Variants in ERBB4 observed in about 807,000 individuals in gnomAD.
ERBB4 encodes the protein erb-b2 receptor tyrosine kinase 4.
In ERBB4, 42 loss-of-function variants were observed where a neutral mutation model predicts 158.0. The ratio of observed to expected loss-of-function variants is 0.27; its 90% CI spans 0.21 to 0.34. The LOEUF (loss-of-function observed/expected upper bound fraction) is 0.34. ERBB4 is among the 10% of genes least tolerant of loss of function. The pLI, the probability that ERBB4 is intolerant of heterozygous loss-of-function variation, is 1.00. For synonymous variants in ERBB4, 583 were observed against 558.7 expected, an observed-to-expected ratio of 1.04 and a Z score of -0.61; for missense variants, 1,333 against 1,624.1, an observed-to-expected ratio of 0.82 and a Z score of 3.08.
At chr2:211,513,699 G>T (rs2065947486) in intron 20 of ERBB4, among the ~76,000 whole-genome samples, 1 of 152,046 alleles carries the variant, frequency 6.6e-6, no homozygotes, top group African/African-American at 2.4e-5. Flanking sequence ...TAGAGTAATA[G>T]GTCTTTGGCA....
At chr2:212,125,128 C>T (rs1180521574) in intron 1 of ERBB4, 2 of 539,750 alleles carry the variant, frequency 3.7e-6, no homozygotes, top group Non-Finnish European at 6.7e-6. Flanking sequence ...GGCATAGATT[C>T]CACAGAAATA....
chr2:211,962,037 G>C (rs1309299806), intron 2 of ERBB4, among the ~76,000 whole-genome samples: 1 of 152,058 alleles, frequency 6.6e-6, no homozygotes, highest in African/African-American at 2.4e-5. Context: ...CACATAGTGG[G>C]GTTTCTGGGG....
chr2:212,460,738 C>A (rs2101152), intron 1 of ERBB4, among the ~76,000 whole-genome samples: 1 of 151,916 alleles, frequency 6.6e-6, no homozygotes, highest in Admixed American at 6.6e-5. Context: ...TGGACAATGC[C>A]ATAGAAAAGA....
chr2:211,901,576 C>T (rs2079236840), intron 3 of ERBB4, among the ~76,000 whole-genome samples: 1 of 152,106 alleles, frequency 6.6e-6, no homozygotes. Context: ...TTCACTGTGG[C>T]CACCTCACCA....
intron 19 of ERBB4, among the ~76,000 whole-genome samples, chr2:211,593,215 G>T (rs188834005): frequency 4.1e-4 from 63 of 152,274 alleles, no homozygotes; most frequent in African/African-American, 1.5e-3. Flanking sequence ...AGAAAGTAAA[G>T]TAGGCTATAG....
At chr2:211,490,089 C>T (rs891519660) in intron 20 of ERBB4, among the ~76,000 whole-genome samples, 9 of 152,062 alleles carry the variant, frequency 5.9e-5, no homozygotes, top group Non-Finnish European at 1.2e-4. Flanking sequence ...AGAAGCTTCA[C>T]ATAGCATTTG....
At chr2:211,608,999 TACTA>T (rs533545585) in intron 19 of ERBB4, among the ~76,000 whole-genome samples, 33 of 152,200 alleles carry the variant, frequency 2.2e-4, no homozygotes, top group Non-Finnish European at 3.7e-4. Flanking sequence ...AGAACCATTT[TACTA>T]ACTATGACCA....
intron 2 of ERBB4, among the ~76,000 whole-genome samples, chr2:211,987,360 C>T (rs1208930291): frequency 1.6e-5 from 2 of 122,518 alleles, no homozygotes; most frequent in Non-Finnish European, 3.7e-5. Context: ...AAATCTATCA[C>T]CCATGATTAT....
chr2:212,513,860 G>A lies in ERBB4; in HGVS notation c.82+24589C>T, dbSNP rs183490178. Among the ~76,000 whole-genome samples the A allele has an allele frequency of 7.2e-3, 1,096 of 151,760 alleles. 7 individuals are homozygous for A. The highest frequency in any genetic ancestry group is 0.024 in the Middle Eastern group (7 of 294). On this transcript the variant is annotated intron_variant, in intron 1 of 27. Transcript: ENST00000342788. ...AAAAAGAACAATTTAAGTTTTCAAA[G>A]ACCATACAACTAGCAAGTCCCAAAT...
At chr2:211,503,205 C>A (rs2065659084) in intron 20 of ERBB4, among the ~76,000 whole-genome samples, 1 of 152,172 alleles carries the variant, frequency 6.6e-6, no homozygotes, top group East Asian at 1.9e-4. Flanking sequence ...CAAAGTGGAC[C>A]CCAAAAGGCT....
At chr2:211,744,277 C>T (rs1229716592) in intron 5 of ERBB4, among the ~76,000 whole-genome samples, 1 of 152,072 alleles carries the variant, frequency 6.6e-6, no homozygotes, top group Non-Finnish European at 1.5e-5. Context: ...AAATAACTTG[C>T]AAAATGTTAC....
intron 1 of ERBB4, among the ~76,000 whole-genome samples, chr2:212,406,720 T>A: frequency 6.6e-6 from 1 of 152,160 alleles, no homozygotes; most frequent in East Asian, 1.9e-4. Context: ...TGGGATAATG[T>A]ATTTGTGAGT....
chr2:212,146,602 G>A (rs2080682976), intron 1 of ERBB4, among the ~76,000 whole-genome samples: 1 of 152,090 alleles, frequency 6.6e-6, no homozygotes, highest in Non-Finnish European at 1.5e-5. Flanking sequence ...TCCATAGCAA[G>A]GCCAGCAATA....
At chr2:211,786,637 T>C (rs1038511270) in intron 4 of ERBB4, among the ~76,000 whole-genome samples, 1 of 152,180 alleles carries the variant, frequency 6.6e-6, no homozygotes, top group African/African-American at 2.4e-5. Flanking sequence ...GTAAGGCTGG[T>C]GGGCACACTT....
intron 9 of ERBB4, among the ~76,000 whole-genome samples, chr2:211,706,254 C>T (rs2073435003): frequency 6.6e-6 from 1 of 152,144 alleles, no homozygotes; most frequent in African/African-American, 2.4e-5. Flanking sequence ...CTACCTGTAG[C>T]AGCCAAACAA....
chr2:211,886,395 G>C (rs2078802162), intron 3 of ERBB4, among the ~76,000 whole-genome samples: 1 of 151,864 alleles, frequency 6.6e-6, no homozygotes, highest in Admixed American at 6.6e-5. Flanking sequence ...AATAATGCAT[G>C]GTACATGGAA....
chr2:212,162,970 G>GAA (rs2081246140), intron 1 of ERBB4, among the ~76,000 whole-genome samples: 1 of 151,888 alleles, frequency 6.6e-6, no homozygotes, highest in African/African-American at 2.4e-5. Flanking sequence ...CTTTTGGGTA[G>GAA]CATTTGAGAA....
chr2:211,529,032 A>G (rs2125656963), intron 20 of ERBB4, among the ~76,000 whole-genome samples: 1 of 152,076 alleles, frequency 6.6e-6, no homozygotes, highest in African/African-American at 2.4e-5. Context: ...AATTGAAACA[A>G]GAAAACAAAA....
At chr2:211,788,226 A>C in intron 3 of ERBB4, 67 bp from the exon 4 acceptor site, 1 of 1,189,806 alleles carries the variant, frequency 8.4e-7, no homozygotes, top group East Asian at 2.4e-5. Context: ...TAATCAACAA[A>C]AGTGATTTGC....
Sources: allele counts gnomAD v4.1 joint callset (sites outside exome capture counted in the v4.1 genomes callset), GRCh38; gene constraint gnomAD v4.1.1; transcripts MANE v1.5; gene names NCBI Gene and HGNC (gene_info 2026-07-23, HGNC 2026-07-21).